BMP6: variants seen among roughly 807,000 people sequenced by gnomAD.
BMP6 encodes VG-1-R.
In BMP6, 17 loss-of-function variants were observed where a neutral mutation model predicts 54.1. The observed-to-expected ratio is 0.31, with a 90% CI of 0.22 to 0.47. The LOEUF is 0.47. Ranked by LOEUF, BMP6 falls within the 20% of genes least tolerant of loss-of-function variation. BMP6 has a pLI of 1.00. For missense variants in BMP6, 720 were observed against 690.4 expected, an observed-to-expected ratio of 1.04 and a Z score of -0.48; for synonymous variants, 328 against 291.2, an observed-to-expected ratio of 1.13 and a Z score of -1.28.
chr6:7,740,798 T>C (rs962516907), intron 1 of BMP6, among the ~76,000 whole-genome samples: 7 of 152,202 alleles, frequency 4.6e-5, no homozygotes, highest in Non-Finnish European at 5.9e-5. Flanking sequence ...TTGAAATCTC[T>C]TACTCCCATC....
rs1480309748 is a variant in BMP6, at chr6:7,881,406, A to G, written c.*1063A>G. ...TTTCATACTAAACTGATTAAATAAT[A>G]CATTTATAATCTACAACTGTTTGCA... On this transcript the variant is annotated 3_prime_UTR_variant, in exon 7 of 7. Coordinates refer to ENST00000283147, the MANE Select transcript of BMP6 (RefSeq NM_001718.6). 1 of 152,662 alleles carries G rather than the reference A, an allele frequency of 6.6e-6. No homozygotes were observed. Among genetic ancestry groups the G allele is most frequent in the Admixed American group, 6.5e-5 (1 of 15,288 alleles). 9.5% of individuals were successfully genotyped at this position (152,662 alleles called of 1,614,324 possible). A position where few individuals can be genotyped will look rare whatever the true frequency, so the allele number is the denominator to read the frequency against.
chr6:7,727,690 G>A, intron 1 of BMP6, 71 bp downstream of exon 1: 1 of 1,410,330 alleles, frequency 7.1e-7, no homozygotes, highest in Non-Finnish European at 9.2e-7. Context: ...AGGGGATGGA[G>A]TGAGGGGGTG....
intron 1 of BMP6, among the ~76,000 whole-genome samples, chr6:7,809,071 G>A (rs999316443): frequency 2.0e-5 from 3 of 151,586 alleles, no homozygotes; most frequent in Non-Finnish European, 4.4e-5. Flanking sequence ...GGTTTGGTGA[G>A]GGCTCCATTT....
intron 4 of BMP6, among the ~76,000 whole-genome samples, chr6:7,867,790 A>G (rs1759448779): frequency 6.6e-6 from 1 of 152,244 alleles, no homozygotes; most frequent in South Asian, 2.1e-4. Context: ...AATCACCAAA[A>G]AAAAGTTAGA....
At chr6:7,779,886 G>A (rs1310847770) in intron 1 of BMP6, among the ~76,000 whole-genome samples, 3 of 152,256 alleles carry the variant, frequency 2.0e-5, no homozygotes, top group East Asian at 3.9e-4. Context: ...GTACCTCCTT[G>A]GGGCTTGCTG....
At chr6:7,763,915 G>A (rs901646182) in intron 1 of BMP6, among the ~76,000 whole-genome samples, 4 of 152,210 alleles carry the variant, frequency 2.6e-5, no homozygotes, top group African/African-American at 7.2e-5. Flanking sequence ...GTAGTCTAGA[G>A]GGGAAAATGC....
At chr6:7,798,275 C>T (rs1758219582) in intron 1 of BMP6, among the ~76,000 whole-genome samples, 2 of 152,206 alleles carry the variant, frequency 1.3e-5, no homozygotes, top group Admixed American at 1.3e-4. Context: ...CCATGAGTCA[C>T]AAAGCAGAAC....
intron 1 of BMP6, among the ~76,000 whole-genome samples, chr6:7,840,338 A>G (rs919500868): frequency 1.3e-5 from 2 of 152,250 alleles, no homozygotes; most frequent in Non-Finnish European, 2.9e-5. Flanking sequence ...GAAGAGGATC[A>G]GGAAAGAATA....
intron 2 of BMP6, 64 bp downstream of exon 2, chr6:7,845,396 C>A: frequency 6.8e-7 from 1 of 1,467,692 alleles, no homozygotes; most frequent in Non-Finnish European, 9.3e-7. Flanking sequence ...TTTGTCATGA[C>A]AATAACCCCA....
chr6:7,770,500 C>A (rs1417116095), intron 1 of BMP6, among the ~76,000 whole-genome samples: 2 of 152,246 alleles, frequency 1.3e-5, no homozygotes, highest in Middle Eastern at 3.4e-3. Flanking sequence ...GAGTCCTGGA[C>A]ATAGGTTGGG....
chr6:7,783,430 C>G (rs1266125279), intron 1 of BMP6, among the ~76,000 whole-genome samples: 1 of 152,226 alleles, frequency 6.6e-6, no homozygotes, highest in Non-Finnish European at 1.5e-5. Context: ...TCTGAAAAGT[C>G]TTAACTATTT....
chr6:7,879,884 C>A, intron 5 of BMP6, 107 bp from the exon 6 acceptor site: 2 of 1,146,634 alleles, frequency 1.7e-6, no homozygotes, highest in East Asian at 2.4e-5. Flanking sequence ...CGTCTGTATC[C>A]TTGCCTGTGC....
chr6:7,876,735 T>C (rs1240210307), intron 4 of BMP6, among the ~76,000 whole-genome samples: 2 of 152,210 alleles, frequency 1.3e-5, no homozygotes, highest in Admixed American at 1.3e-4. Context: ...TCTGATTTCA[T>C]TGTTATTTTC....
At chr6:7,813,086 C>G (rs1288790923) in intron 1 of BMP6, among the ~76,000 whole-genome samples, 1 of 4,388 alleles carries the variant, frequency 2.3e-4, no homozygotes, top group Non-Finnish European at 3.3e-4. Flanking sequence ...CCTGTCTCTA[C>G]AAAAAAAAAA....
At chr6:7,774,754 T>G (rs1198963061) in intron 1 of BMP6, among the ~76,000 whole-genome samples, 1 of 152,242 alleles carries the variant, frequency 6.6e-6, no homozygotes, top group African/African-American at 2.4e-5. Flanking sequence ...CAGCTTTCCT[T>G]CCTTATTGAA....
intron 1 of BMP6, among the ~76,000 whole-genome samples, chr6:7,797,170 C>T (rs780777163): frequency 3.9e-5 from 6 of 152,214 alleles, no homozygotes; most frequent in Admixed American, 1.3e-4. Context: ...AACAAATATA[C>T]GTCATCATAC....
rs529915357 is a variant in BMP6, at chr6:7,836,628, A to G, written c.665-8512A>G. Among the ~76,000 whole-genome samples, 7 of 152,276 alleles carry G rather than the reference A, an allele frequency of 4.6e-5. No homozygotes were observed. In the East Asian group the frequency reaches 1.3e-3, roughly 29 times the overall value. ...TTCAACTACTTGTGGGACTTTAATT[A>G]TTTACAACACAAAATAAAGTTTAAA... On this transcript the variant is annotated intron_variant, in intron 1 of 6. Transcript: ENST00000283147.
intron 1 of BMP6, among the ~76,000 whole-genome samples, chr6:7,778,513 A>T (rs932301992): frequency 6.6e-6 from 1 of 152,198 alleles, no homozygotes; most frequent in South Asian, 2.1e-4. Flanking sequence ...TGGCCACAAG[A>T]GGATTCTGCC....
intron 1 of BMP6, among the ~76,000 whole-genome samples, chr6:7,766,103 C>T (rs1450096255): frequency 6.6e-6 from 1 of 152,192 alleles, no homozygotes; most frequent in African/African-American, 2.4e-5. Context: ...CTTTCTCCAT[C>T]GGCCACAATA....
Sources: gnomAD v4.1 joint callset for allele counts (sites outside exome capture counted in the v4.1 genomes callset) on GRCh38, gnomAD v4.1.1 for gene constraint, MANE v1.5 for transcripts, NCBI Gene and HGNC (gene_info 2026-07-23, HGNC 2026-07-21) for gene names.